The following SH3GL2 variants were observed in gnomAD, a reference collection of about 807,000 sequenced individuals.
SH3GL2 encodes endophilin-A1.
Under a neutral mutation model 46.0 loss-of-function variants are expected in SH3GL2, and 24 were observed. That is an observed-to-expected ratio of 0.52 (90% confidence interval 0.38 to 0.73). The LOEUF is 0.73. Ranked by LOEUF, SH3GL2 falls within the 30% of genes least tolerant of loss-of-function variation. The probability of loss-of-function intolerance (pLI) is 0.00; values close to 1 mark genes in which losing one functional copy is unlikely to be tolerated. For missense variants in SH3GL2, 413 were observed against 424.2 expected (o/e 0.97, Z 0.23); for synonymous variants, 196 against 147.1 (o/e 1.33, Z -2.40).
chr9:17,615,335 C>G (rs1330457506), intron 1 of SH3GL2, among the ~76,000 whole-genome samples: 1 of 152,114 alleles, frequency 6.6e-6, no homozygotes, highest in African/African-American at 2.4e-5. Context: ...ATATTCTTTT[C>G]ATTTGTCATT....
intron 1 of SH3GL2, among the ~76,000 whole-genome samples, chr9:17,635,017 T>A (rs1313966310): frequency 2.0e-5 from 3 of 152,212 alleles, no homozygotes; most frequent in African/African-American, 7.2e-5. Context: ...GTGGGCAAGA[T>A]GTGCAGGTTT....
At chr9:17,761,549 T>G in intron 3 of SH3GL2, 40 bp downstream of exon 3, 18 of 1,146,070 alleles carry the variant, frequency 1.6e-5, no homozygotes, top group Non-Finnish European at 2.4e-5. Context: ...TCCCTCGAGG[T>G]AACTTTTAGT....
At chr9:17,689,518 C>A (rs1821017537) in intron 1 of SH3GL2, among the ~76,000 whole-genome samples, 1 of 152,168 alleles carries the variant, frequency 6.6e-6, no homozygotes, top group African/African-American at 2.4e-5. Context: ...ATGACCCCTC[C>A]TTTTGAGTGT....
intron 1 of SH3GL2, among the ~76,000 whole-genome samples, chr9:17,743,466 C>T (rs1327092062): frequency 6.6e-6 from 1 of 151,958 alleles, no homozygotes; most frequent in Non-Finnish European, 1.5e-5. Context: ...GCTCAAATGT[C>T]AGTTTTTATA....
chr9:17,751,471 T>TGTTTGTGC (rs1225423339), intron 2 of SH3GL2, among the ~76,000 whole-genome samples: 4 of 122,456 alleles, frequency 3.3e-5, no homozygotes, highest in African/African-American at 1.4e-4. Context: ...TGTGTGTTTT[T>TGTTTGTGC]GTGTGTGCGT....
At chr9:17,654,969 G>A (rs1325768295) in intron 1 of SH3GL2, among the ~76,000 whole-genome samples, 4 of 152,284 alleles carry the variant, frequency 2.6e-5, no homozygotes, top group African/African-American at 7.2e-5. Flanking sequence ...AATAGGTACT[G>A]GAAGAAACCA....
intron 1 of SH3GL2, among the ~76,000 whole-genome samples, chr9:17,655,062 G>C (rs904207495): frequency 6.6e-6 from 1 of 152,188 alleles, no homozygotes; most frequent in African/African-American, 2.4e-5. Flanking sequence ...GAGATGAGGA[G>C]GATGAATTAG....
intron 1 of SH3GL2, among the ~76,000 whole-genome samples, chr9:17,707,248 C>G (rs1821494094): frequency 6.6e-6 from 1 of 152,072 alleles, no homozygotes; most frequent in Non-Finnish European, 1.5e-5. Context: ...TCAACTACCA[C>G]TATTCTCATC....
chr9:17,711,771 AATATTCTTGTACAAGAC>A (rs1242373238), intron 1 of SH3GL2, among the ~76,000 whole-genome samples: 17 of 151,866 alleles, frequency 1.1e-4, no homozygotes, highest in African/African-American at 4.1e-4. Context: ...ACCTGCTATG[AATATTCTTGTACAAGAC>A]ATATTCTTTT....
At chr9:17,723,827 T>C (rs975044343) in intron 1 of SH3GL2, among the ~76,000 whole-genome samples, 1 of 152,226 alleles carries the variant, frequency 6.6e-6, no homozygotes, top group Middle Eastern at 3.4e-3. Context: ...CCTAGTGTCA[T>C]CTGGCCTCCA....
intron 1 of SH3GL2, among the ~76,000 whole-genome samples, chr9:17,698,748 G>T (rs543265913): frequency 6.6e-6 from 1 of 152,304 alleles, no homozygotes; most frequent in Admixed American, 6.5e-5. Context: ...CCTCTGTTCT[G>T]TGAAGGTCAC....
chr9:17,673,222 C>T (rs1820517282), intron 1 of SH3GL2, among the ~76,000 whole-genome samples: 1 of 152,048 alleles, frequency 6.6e-6, no homozygotes, highest in Non-Finnish European at 1.5e-5. Flanking sequence ...GATTATGGCT[C>T]ACTGCAGCCT....
chr9:17,778,150 C>T (rs1009998614), intron 3 of SH3GL2, among the ~76,000 whole-genome samples: 11 of 152,260 alleles, frequency 7.2e-5, no homozygotes, highest in Non-Finnish European at 1.3e-4. Flanking sequence ...GCTGGATACT[C>T]TAAAACATCA....
chr9:17,767,864 G>A (rs900901384), intron 3 of SH3GL2, among the ~76,000 whole-genome samples: 1 of 152,162 alleles, frequency 6.6e-6, no homozygotes, highest in Non-Finnish European at 1.5e-5. Flanking sequence ...ACTTAAGTCA[G>A]GTGATGGGTG....
At chr9:17,696,294 T>G (rs1425610906) in intron 1 of SH3GL2, among the ~76,000 whole-genome samples, 1 of 152,148 alleles carries the variant, frequency 6.6e-6, no homozygotes, top group Non-Finnish European at 1.5e-5. Flanking sequence ...TATTTCAGAT[T>G]TATGTTTGTG....
At chr9:17,681,861 A>C (rs1206610008) in intron 1 of SH3GL2, among the ~76,000 whole-genome samples, 3 of 152,202 alleles carry the variant, frequency 2.0e-5, no homozygotes, top group Non-Finnish European at 1.5e-5. Context: ...TTTACAAGAA[A>C]AAACCCCATC....
rs550676847 is a variant in SH3GL2 at position 17,756,775 on chromosome 9, G to A, written c.115-4662G>A. 2.1e-3 allele frequency among the ~76,000 whole-genome samples: 318 copies of A among 152,016 alleles called. 1 individual carries two copies. Among genetic ancestry groups the A allele is most frequent in the African/African-American group, 3.5e-3 (147 of 41,428 alleles). ...AGTCTTTGCTGTTGTGAATAGTGCC[G>A]CAATAAACATACGTGTGCATGTGTC... On this transcript the variant is annotated intron_variant, in intron 2 of 8. Transcript: ENST00000380607.
At chr9:17,727,819 CT>C (rs1210353518) in intron 1 of SH3GL2, among the ~76,000 whole-genome samples, 1 of 152,134 alleles carries the variant, frequency 6.6e-6, no homozygotes, top group African/African-American at 2.4e-5. Flanking sequence ...CTGACCTTCC[CT>C]TTCCCTGCCC....
chr9:17,597,546 G>C (rs1264892248), intron 1 of SH3GL2, among the ~76,000 whole-genome samples: 2 of 151,912 alleles, frequency 1.3e-5, no homozygotes. Flanking sequence ...ATATAACAAT[G>C]ATTTTTTGAA....
Sources: allele counts gnomAD v4.1 joint callset (sites outside exome capture counted in the v4.1 genomes callset), GRCh38; gene constraint gnomAD v4.1.1; transcripts MANE v1.5; gene names NCBI Gene and HGNC (gene_info 2026-07-23, HGNC 2026-07-21).